The following DAPK2 variants were observed in gnomAD, a reference collection of about 807,000 sequenced individuals.
DAPK2 encodes the protein death-associated protein kinase 2.
In DAPK2, 35 loss-of-function variants were observed where a neutral mutation model predicts 44.1. The ratio of observed to expected loss-of-function variants is 0.79; its 90% CI spans 0.61 to 1.05. The LOEUF is 1.05. Among genes scored for constraint, DAPK2 ranks in the 50% least tolerant of loss-of-function variants. The pLI, the probability that DAPK2 is intolerant of heterozygous loss-of-function variation, is 0.00. For missense variants in DAPK2, 453 were observed against 483.2 expected, an observed-to-expected ratio of 0.94 and a Z score of 0.59; for synonymous variants, 174 against 182.6, an observed-to-expected ratio of 0.95 and a Z score of 0.38.
chr15:64,024,875 GTGGCCAGGCCACCAGGGGC>G (rs1214006533), intron 1 of DAPK2, among the ~76,000 whole-genome samples: 1 of 152,192 alleles, frequency 6.6e-6, no homozygotes, highest in Non-Finnish European at 1.5e-5. Flanking sequence ...TTCAAGCCCT[GTGGCCAGGCCACCAGGGGC>G]CAGTGTTTCA....
At position 63,915,068 on chromosome 15, in the gene DAPK2, C is replaced by A. The variant is rs962744300; in HGVS notation, c.859-2871G>T. Among the ~76,000 whole-genome samples, 5 of 152,230 alleles carry A rather than the reference C, an allele frequency of 3.3e-5. No homozygotes were observed. The East Asian group carries it at 5.8e-4, about 18-fold the overall frequency. ...GTATTTGCATATAACCTACACATACCCTCCCCTAATGCTTTAAATCATCTC... is the reference window on the plus strand; with the variant it reads ...GTATTTGCATATAACCTACACATACACTCCCCTAATGCTTTAAATCATCTC... On this transcript the variant is annotated intron_variant, in intron 8 of 10. Coordinates refer to ENST00000261891, the Ensembl canonical transcript of DAPK2.
chr15:63,993,093 C>T (rs575875271), intron 1 of DAPK2, among the ~76,000 whole-genome samples: 3 of 152,232 alleles, frequency 2.0e-5, no homozygotes, highest in African/African-American at 7.2e-5. Context: ...TCCCCACTTG[C>T]CCTCCCCTCT....
intron 3 of DAPK2, among the ~76,000 whole-genome samples, chr15:63,950,896 G>A (rs1428409244): frequency 1.3e-5 from 2 of 152,332 alleles, no homozygotes; most frequent in East Asian, 3.9e-4. Context: ...ACACACATTT[G>A]AAGTATTAAC....
intron 1 of DAPK2, among the ~76,000 whole-genome samples, chr15:64,007,107 GC>G (rs1455500427): frequency 4.0e-5 from 6 of 151,774 alleles, no homozygotes; most frequent in Non-Finnish European, 8.8e-5. Context: ...ACAAATGTGT[GC>G]CAACCTCTCC....
In DAPK2 at chr15:64,014,208, C is replaced by T. The variant is rs535219939; in HGVS notation, c.92+25962G>A. On this transcript the variant is annotated intron_variant, in intron 1 of 10. Coordinates refer to ENST00000261891, the Ensembl canonical transcript of DAPK2. ...TTTTTAGGAATACTACCTGCGGAGGCAGCACTGCTGGGACCAGGATCAGGG... is the reference window on the plus strand; with the variant it reads ...TTTTTAGGAATACTACCTGCGGAGGTAGCACTGCTGGGACCAGGATCAGGG... 7.9e-4 allele frequency among the ~76,000 whole-genome samples: 120 copies of T among 152,336 alleles called. 2 individuals are homozygous for T. In the South Asian group the frequency reaches 0.023, roughly 29 times the overall value.
intron 3 of DAPK2, among the ~76,000 whole-genome samples, chr15:63,959,287 G>A (rs541313554): frequency 1.4e-4 from 21 of 152,202 alleles, no homozygotes; most frequent in Non-Finnish European, 1.9e-4. Flanking sequence ...ATATACAATC[G>A]TATCATCTGC....
chr15:64,024,266 T>C (rs2079771944), intron 1 of DAPK2, among the ~76,000 whole-genome samples: 1 of 152,170 alleles, frequency 6.6e-6, no homozygotes, highest in Admixed American at 6.5e-5. Flanking sequence ...TGCCTGAGAC[T>C]TCAAGATCAC....
chr15:64,005,375 C>T (rs917159879), intron 1 of DAPK2, among the ~76,000 whole-genome samples: 8 of 150,852 alleles, frequency 5.3e-5, no homozygotes, highest in African/African-American at 2.0e-4. Flanking sequence ...TCAGCCACCA[C>T]AGATACTAGA....
At chr15:64,042,618 G>A (rs1050522274), upstream of DAPK2, among the ~76,000 whole-genome samples, 1 of 152,224 alleles carries the variant, frequency 6.6e-6, no homozygotes, top group Non-Finnish European at 1.5e-5. This position sits in a 1 kb window ranked among gnomAD's most constrained non-coding sequence, Gnocchi z 4.7. Flanking sequence ...CCAAGGTTAG[G>A]GGGGCAGGTG....
At chr15:63,907,759 G>C (rs563235951) in exon 11 of DAPK2, 1 of 152,370 alleles carries the variant, frequency 6.6e-6, no homozygotes, top group African/African-American at 2.4e-5. Context: ...CTTCCTGTTA[G>C]GGAAGCAAGG....
At chr15:64,021,612 A>G (rs2079685458) in intron 1 of DAPK2, among the ~76,000 whole-genome samples, 1 of 152,210 alleles carries the variant, frequency 6.6e-6, no homozygotes, top group African/African-American at 2.4e-5. Context: ...CCCGTCTTCA[A>G]TGGGCTCACA....
chr15:64,010,180 G>A (rs1432488172), intron 1 of DAPK2, among the ~76,000 whole-genome samples: 1 of 152,098 alleles, frequency 6.6e-6, no homozygotes, highest in Non-Finnish European at 1.5e-5. Context: ...AGGAACTCTG[G>A]GGGTGGGGCC....
At chr15:63,933,569 A>C (rs972622994) in intron 4 of DAPK2, among the ~76,000 whole-genome samples, 38 of 144,518 alleles carry the variant, frequency 2.6e-4, no homozygotes, top group African/African-American at 9.5e-4. Context: ...ATTGTATCTT[A>C]CTGAAGTAGC....
intron 1 of DAPK2, among the ~76,000 whole-genome samples, chr15:64,012,811 C>T (rs981255337): frequency 4.6e-5 from 7 of 152,146 alleles, no homozygotes; most frequent in African/African-American, 1.7e-4. Context: ...TGGGAGGGAA[C>T]TTTTAAATGC....
At chr15:64,018,004 T>G (rs112289297) in intron 1 of DAPK2, among the ~76,000 whole-genome samples, 55 of 152,310 alleles carry the variant, frequency 3.6e-4, no homozygotes, top group Admixed American at 5.2e-4. Flanking sequence ...ATGAGCCATT[T>G]CTATAATGGG....
chr15:64,025,580 G>A (rs558567072), intron 1 of DAPK2, among the ~76,000 whole-genome samples: 3 of 152,332 alleles, frequency 2.0e-5, no homozygotes, highest in South Asian at 4.1e-4. Context: ...TACTTTTACA[G>A]TTTTGCTGTA....
chr15:63,941,880 G>A (rs1232581528), intron 3 of DAPK2, among the ~76,000 whole-genome samples: 1 of 152,148 alleles, frequency 6.6e-6, no homozygotes, highest in Admixed American at 6.5e-5. Flanking sequence ...GCTGCCCATG[G>A]ACCCAAGTGT....
intron 3 of DAPK2, among the ~76,000 whole-genome samples, chr15:63,962,281 G>C (rs112972763): frequency 0.029 from 4,395 of 152,246 alleles, 97 homozygotes; most frequent in African/African-American, 0.061. Context: ...TTTGCGATGG[G>C]TTCGAACATC....
At chr15:63,938,776 TA>T (rs2077228970) in intron 4 of DAPK2, among the ~76,000 whole-genome samples, 1 of 152,192 alleles carries the variant, frequency 6.6e-6, no homozygotes, top group African/African-American at 2.4e-5. Context: ...CATGCATGAA[TA>T]AAGCCAGGCA....
Sources: gnomAD v4.1 joint callset for allele counts (sites outside exome capture counted in the v4.1 genomes callset) on GRCh38, gnomAD v4.1.1 for gene constraint, Gnocchi (gnomAD v3.1) non-coding constraint, MANE v1.5 for transcripts, NCBI Gene and HGNC (gene_info 2026-07-23, HGNC 2026-07-21) for gene names.